The following CNOT7 variants were observed in gnomAD, a reference collection of about 807,000 sequenced individuals.
CNOT7 encodes the protein CCR4-NOT transcription complex subunit 7.
A neutral mutation model predicts 37.1 loss-of-function variants in CNOT7; 4 were observed. The observed-to-expected ratio is 0.11, with a 90% CI of 0.05 to 0.25. The LOEUF (loss-of-function observed/expected upper bound fraction) is 0.25. Among genes scored for constraint, CNOT7 ranks in the 10% least tolerant of loss-of-function variants. The pLI, the probability that CNOT7 is intolerant of heterozygous loss-of-function variation, is 1.00. For missense variants in CNOT7, 170 were observed against 336.2 expected, an observed-to-expected ratio of 0.51 and a Z score of 3.87; for synonymous variants, 128 against 115.6, an observed-to-expected ratio of 1.11 and a Z score of -0.69.
intron 3 of CNOT7, chr8:17,242,283 T>G (rs1810287366): frequency 6.6e-6 from 1 of 152,224 alleles, no homozygotes; most frequent in Non-Finnish European, 1.5e-5. Context: ...TAAGAATGTA[T>G]TATTTTATTT....
At chr8:17,231,623 G>A (rs1423218282) in intron 6 of CNOT7, 3 of 985,106 alleles carry the variant, frequency 3.0e-6, no homozygotes, top group East Asian at 1.1e-4. Flanking sequence ...AATCCACAGC[G>A]AATTTTTCCA....
Position 17,230,689 on chromosome 8 carries a change from C to A in CNOT7, c.*31G>T. ...AACCTATATACAAGCATGTGTGTAG[C>A]TCGAAATAAAAATAAAAGGACTATT... On this transcript the variant is annotated 3_prime_UTR_variant, in exon 7 of 7. Transcript: ENST00000361272. 6.3e-7 allele frequency: 1 copy of A among 1,583,086 alleles called. No individual in the cohort carries two copies.
intron 4 of CNOT7, among the ~76,000 whole-genome samples, chr8:17,235,206 A>T (rs1191172613): frequency 6.6e-6 from 1 of 152,218 alleles, no homozygotes; most frequent in African/African-American, 2.4e-5. Flanking sequence ...AATATTTTTT[A>T]AAGTAACTAT....
In CNOT7 at chr8:17,228,598, G is replaced by C; in HGVS notation, c.*2122C>G. On this transcript the variant is annotated 3_prime_UTR_variant, in exon 7 of 7. Coordinates refer to ENST00000361272, the MANE Select transcript of CNOT7 (RefSeq NM_013354.7). ...ATAACCCCATCTTTGGTCCTAAGGC[G>C]CTCCTAAACTTTTGATGGGGTTACC... is the stretch of plus-strand genomic sequence containing the variant. 1 of 152,006 alleles carries C rather than the reference G, an allele frequency of 6.6e-6. No individual in the cohort carries two copies. The allele number at this position is 152,006 out of a possible 1,614,324, so 9.4% of individuals were successfully genotyped here.
rs2150962034 is a variant in CNOT7 at position 17,227,570 on chromosome 8, G to A, written c.*3150C>T. On this transcript the variant is annotated 3_prime_UTR_variant, in exon 7 of 7. Coordinates refer to ENST00000361272, the MANE Select transcript of CNOT7 (RefSeq NM_013354.7). The stretch of plus-strand genomic sequence containing the variant: ...TTTTCTTTGCTTGGCTAACAAATAG[G>A]CTACTTGTAAACATTTTGGTTGCAG... The A allele has an allele frequency of 6.6e-6, 1 of 151,922 alleles. No homozygotes were observed. Among genetic ancestry groups the A allele is most frequent in the South Asian group, 2.1e-4 (1 of 4,816 alleles). The allele number at this position is 151,922 out of a possible 1,614,324, so 9.4% of individuals were successfully genotyped here. A position where few individuals can be genotyped will look rare whatever the true frequency, so the allele number is the denominator to read the frequency against.
At chr8:17,244,530 C>G (rs563269214) in intron 2 of CNOT7, 1 of 152,816 alleles carries the variant, frequency 6.5e-6, no homozygotes, top group African/African-American at 2.4e-5. Context: ...TAAGGCCACT[C>G]TGTAATCATG....
intron 4 of CNOT7, among the ~76,000 whole-genome samples, chr8:17,235,459 G>C (rs994208498): frequency 6.6e-6 from 1 of 152,090 alleles, no homozygotes; most frequent in African/African-American, 2.4e-5. Flanking sequence ...GGCTCCCTAA[G>C]AGTCATTATT....
intron 3 of CNOT7, chr8:17,241,887 A>T (rs1810214268): frequency 6.6e-6 from 1 of 152,260 alleles, no homozygotes; most frequent in African/African-American, 2.4e-5. Flanking sequence ...TGTGAGCTAT[A>T]TGTAAATTTA....
At chr8:17,242,935 C>T in intron 3 of CNOT7, 57 bp downstream of exon 3, 1 of 1,227,176 alleles carries the variant, frequency 8.1e-7, no homozygotes, top group East Asian at 2.7e-5. Context: ...AAAATCAATT[C>T]CTAAGATTAA....
chr8:17,245,836 T>C (rs1377521590), intron 1 of CNOT7: 2 of 152,132 alleles, frequency 1.3e-5, no homozygotes, highest in African/African-American at 2.4e-5. Flanking sequence ...GTCTAAAACT[T>C]AGAGCATATT....
intron 5 of CNOT7, 100 bp from the exon 6 acceptor site, chr8:17,232,637 T>G: frequency 1.0e-6 from 1 of 989,692 alleles, no homozygotes; most frequent in South Asian, 1.5e-5. Context: ...AAATAAACTT[T>G]AGTATGTAAA....
In CNOT7 at chr8:17,229,037, A is replaced by AGGT. The variant is rs1276827562; in HGVS notation, c.*1680_*1682dup. The stretch of plus-strand genomic sequence containing the variant: ...AAGTCAGTCCTTAATTAGCTAGTTG[A>AGGT]GGTACTCATAAAGAACAAGAATAAG... On this transcript the variant is annotated 3_prime_UTR_variant, in exon 7 of 7. Coordinates refer to ENST00000361272, the MANE Select transcript of CNOT7 (RefSeq NM_013354.7). 6.6e-6 allele frequency: 1 copy of AGGT among 151,982 alleles called. No homozygotes were observed. Among genetic ancestry groups the AGGT allele is most frequent in the African/African-American group, 2.4e-5 (1 of 41,432 alleles). The allele number at this position is 151,982 out of a possible 1,614,324, so 9.4% of individuals were successfully genotyped here.
chr8:17,235,371 G>GT (rs1013256887), intron 4 of CNOT7, among the ~76,000 whole-genome samples: 1 of 152,118 alleles, frequency 6.6e-6, no homozygotes, highest in African/African-American at 2.4e-5. Context: ...CTGTAACAAG[G>GT]TATTTTCACT....
intron 5 of CNOT7, 66 bp downstream of exon 5, chr8:17,234,650 G>T (rs562404678): frequency 6.7e-7 from 1 of 1,495,486 alleles, no homozygotes; most frequent in Non-Finnish European, 9.3e-7. Context: ...TCCCAGCCTA[G>T]GCTCGCATGA....
Position 17,230,680 on chromosome 8 carries a change from T to G in CNOT7, c.*40A>C. Reference sequence around the variant, plus strand: ...CAGAGATAAAACCTATATACAAGCATGTGTGTAGCTCGAAATAAAAATAAA... The same window carrying G: ...CAGAGATAAAACCTATATACAAGCAGGTGTGTAGCTCGAAATAAAAATAAA... On this transcript the variant is annotated 3_prime_UTR_variant, in exon 7 of 7. Coordinates refer to ENST00000361272, the MANE Select transcript of CNOT7 (RefSeq NM_013354.7). The G allele has an allele frequency of 6.4e-7, 1 of 1,564,542 alleles. No homozygotes were observed. Among genetic ancestry groups the G allele is most frequent in the Non-Finnish European group, 8.7e-7 (1 of 1,155,244 alleles).
At chr8:17,243,458 G>A in intron 2 of CNOT7, 1 of 569,118 alleles carries the variant, frequency 1.8e-6, no homozygotes. Flanking sequence ...ACCAAGAAAG[G>A]GGGGAAAATC....
intron 3 of CNOT7, among the ~76,000 whole-genome samples, chr8:17,239,452 G>A (rs1244486927): frequency 6.6e-6 from 1 of 152,094 alleles, no homozygotes; most frequent in Non-Finnish European, 1.5e-5. Flanking sequence ...AACCCAAGGT[G>A]CCCTGTAATT....
rs1811242757 is a variant in CNOT7 at position 17,246,847 on chromosome 8, G to A, written c.-268C>T. The A allele has an allele frequency of 3.4e-6, 1 of 296,090 alleles. No homozygotes were observed. The highest frequency in any genetic ancestry group is 2.8e-5 in the South Asian group (1 of 35,710). The allele number at this position is 296,090 out of a possible 1,614,324, so 18.3% of individuals were successfully genotyped here. ...CTGCGCCGCACCGTGCTGCGCCGTC[G>A]CTTTTCGCACGTCCTGACGGGGGCG... On this transcript the variant is annotated 5_prime_UTR_variant, in exon 1 of 7. Coordinates refer to ENST00000361272, the MANE Select transcript of CNOT7 (RefSeq NM_013354.7).
At position 17,226,028 on chromosome 8, in the gene CNOT7, C is replaced by CTTTTTT. The variant is rs1563179108; in HGVS notation, c.*4691_*4692insAAAAAA. The CTTTTTT allele has an allele frequency of 1.0e-4, 3 of 29,304 alleles. No individual in the cohort carries two copies. The highest frequency in any genetic ancestry group is 3.7e-4 in the Admixed American group (1 of 2,706). The allele number at this position is 29,304 out of a possible 1,614,324, so 1.8% of individuals were successfully genotyped here. A position where few individuals can be genotyped will look rare whatever the true frequency, so the allele number is the denominator to read the frequency against. On this transcript the variant is annotated 3_prime_UTR_variant, in exon 7 of 7. Transcript: ENST00000361272. ...TTCTTCTAGTAGAGAGGTGGACAAG[C>CTTTTTT]CTTTTTTTTTTTTTTTTTTTTTTTT...
Sources: allele counts gnomAD v4.1 joint callset (sites outside exome capture counted in the v4.1 genomes callset), GRCh38; gene constraint gnomAD v4.1.1; transcripts MANE v1.5; gene names NCBI Gene and HGNC (gene_info 2026-07-23, HGNC 2026-07-21).